CDH20: variants seen among roughly 807,000 people sequenced by gnomAD.
CDH20 encodes cadherin-20.
Under a neutral mutation model 74.2 loss-of-function variants are expected in CDH20, and 29 were observed. The ratio of observed to expected loss-of-function variants is 0.39; its 90% confidence interval spans 0.29 to 0.53. The LOEUF is 0.53. CDH20 is among the 20% of genes least tolerant of loss of function. The pLI is 0.69. For missense variants in CDH20, 988 were observed against 1,048.3 expected, an observed-to-expected ratio of 0.94 and a Z score of 0.79; for synonymous variants, 469 against 405.4, an observed-to-expected ratio of 1.16 and a Z score of -1.88.
intron 6 of CDH20, among the ~76,000 whole-genome samples, chr18:61,526,797 G>A (rs1340316146): frequency 6.6e-6 from 1 of 152,190 alleles, no homozygotes; most frequent in Non-Finnish European, 1.5e-5. Flanking sequence ...AGTCCTTGTG[G>A]AAGAGCTGTA....
rs1192928325 is a variant in CDH20 at position 61,553,595 on chromosome 18, G to A, written c.1901-595G>A. Among the ~76,000 whole-genome samples, 4 of 152,118 alleles carry A rather than the reference G, an allele frequency of 2.6e-5. No homozygotes were observed. The East Asian group carries it at 7.7e-4, about 29-fold the overall frequency. On this transcript the variant is annotated intron_variant, in intron 11 of 11. Transcript: ENST00000262717. Reference sequence around the variant, plus strand: ...TTCTCTGAGGAACCTGAGTTTATTGGACCCCAGGGATCACTTATGTTCTGT... The same window carrying A: ...TTCTCTGAGGAACCTGAGTTTATTGAACCCCAGGGATCACTTATGTTCTGT...
At chr18:61,361,094 A>G (rs1038225362) in intron 1 of CDH20, among the ~76,000 whole-genome samples, 1 of 152,134 alleles carries the variant, frequency 6.6e-6, no homozygotes, top group Admixed American at 6.6e-5. Flanking sequence ...TATGTAACAA[A>G]CCCTGTATGG....
At chr18:61,440,441 T>A (rs2144316566) in intron 1 of CDH20, among the ~76,000 whole-genome samples, 1 of 152,308 alleles carries the variant, frequency 6.6e-6, no homozygotes, top group East Asian at 1.9e-4. Flanking sequence ...GTTTCACAGC[T>A]TTATTGCAGA....
At chr18:61,351,668 T>TATGGGGA (rs1910311316) in intron 1 of CDH20, among the ~76,000 whole-genome samples, 1 of 151,848 alleles carries the variant, frequency 6.6e-6, no homozygotes, top group African/African-American at 2.4e-5. Flanking sequence ...TTTCAGGTGA[T>TATGGGGA]ATGGGGATAG....
At chr18:61,455,940 T>C (rs1909557878) in intron 1 of CDH20, among the ~76,000 whole-genome samples, 1 of 152,244 alleles carries the variant, frequency 6.6e-6, no homozygotes, top group Non-Finnish European at 1.5e-5. Context: ...AGCATTGCTT[T>C]TGTAAAGAAC....
intron 6 of CDH20, among the ~76,000 whole-genome samples, chr18:61,515,088 C>T (rs1911941472): frequency 6.6e-6 from 1 of 152,120 alleles, no homozygotes; most frequent in African/African-American, 2.4e-5. Flanking sequence ...GGCGGGCGCC[C>T]CTCCCCCAGA....
intron 1 of CDH20, among the ~76,000 whole-genome samples, chr18:61,344,457 C>T (rs1910052783): frequency 6.6e-6 from 1 of 152,072 alleles, no homozygotes; most frequent in Non-Finnish European, 1.5e-5. Flanking sequence ...TACAGTATAC[C>T]ACCTCATCCT....
At chr18:61,378,280 G>A (rs573419376) in intron 1 of CDH20, among the ~76,000 whole-genome samples, 20 of 152,274 alleles carry the variant, frequency 1.3e-4, no homozygotes, top group South Asian at 6.2e-4. Flanking sequence ...AATGGTAGAC[G>A]TGTATCTGAG....
intron 1 of CDH20, among the ~76,000 whole-genome samples, chr18:61,462,100 A>G (rs1423328329): frequency 1.3e-5 from 2 of 152,138 alleles, no homozygotes; most frequent in Admixed American, 6.6e-5. Context: ...CAAAGGAAGC[A>G]GCCTCTGGTC....
chr18:61,481,662 T>G (rs1568157876), intron 1 of CDH20, among the ~76,000 whole-genome samples: 1 of 152,354 alleles, frequency 6.6e-6, no homozygotes, highest in East Asian at 1.9e-4. Flanking sequence ...TACATTTATA[T>G]GGCATCAGAT....
intron 1 of CDH20, among the ~76,000 whole-genome samples, chr18:61,479,935 G>T (rs1910529504): frequency 6.6e-6 from 1 of 152,142 alleles, no homozygotes; most frequent in South Asian, 2.1e-4. Context: ...AGTAATACTA[G>T]GTGCTAGAAG....
intron 6 of CDH20, among the ~76,000 whole-genome samples, chr18:61,514,123 A>G (rs2144343143): frequency 6.6e-6 from 1 of 152,212 alleles, no homozygotes; most frequent in South Asian, 2.1e-4. Flanking sequence ...TCTCCCCATC[A>G]CTTTCAGGTA....
intron 1 of CDH20, among the ~76,000 whole-genome samples, chr18:61,422,422 CT>C (rs1912912802): frequency 6.6e-6 from 1 of 151,960 alleles, no homozygotes; most frequent in Non-Finnish European, 1.5e-5. Flanking sequence ...AATAATGTTG[CT>C]ACAGGGCAAA....
intron 2 of CDH20, among the ~76,000 whole-genome samples, chr18:61,492,863 C>A (rs886903503): frequency 6.6e-6 from 1 of 152,164 alleles, no homozygotes; most frequent in Non-Finnish European, 1.5e-5. Context: ...ATCCCCAAGG[C>A]CTAACACAGC....
rs576458718 is a variant in CDH20, at chr18:61,416,163, T to A, written c.-152-74239T>A. 1.1e-3 allele frequency among the ~76,000 whole-genome samples: 161 copies of A among 152,338 alleles called. 2 individuals are homozygous for A. Among genetic ancestry groups the A allele is most frequent in the African/African-American group, 3.7e-3 (152 of 41,596 alleles). ...AATTTTTTTCTGTTTAAAGTAATAG[T>A]AAATTTTCTCTTTGTTCTTTGGAAG... On this transcript the variant is annotated intron_variant, in intron 1 of 11. Coordinates refer to ENST00000262717, the MANE Select transcript of CDH20 (RefSeq NM_031891.4).
At chr18:61,381,037 C>T (rs11876970) in intron 1 of CDH20, among the ~76,000 whole-genome samples, 1 of 151,998 alleles carries the variant, frequency 6.6e-6, no homozygotes, top group Non-Finnish European at 1.5e-5. Flanking sequence ...GTTCATCTAA[C>T]GACATAAATC....
At chr18:61,493,571 T>C (rs2144303001) in intron 2 of CDH20, among the ~76,000 whole-genome samples, 1 of 152,282 alleles carries the variant, frequency 6.6e-6, no homozygotes, top group Non-Finnish European at 1.5e-5. Flanking sequence ...CTGCCACACA[T>C]ACCACGTTTG....
intron 11 of CDH20, among the ~76,000 whole-genome samples, chr18:61,553,163 T>C (rs1300611420): frequency 6.6e-6 from 1 of 152,180 alleles, no homozygotes; most frequent in African/African-American, 2.4e-5. Flanking sequence ...TTTTACTGCA[T>C]GTATGAATGT....
At chr18:61,439,759 G>A (rs977629096) in intron 1 of CDH20, among the ~76,000 whole-genome samples, 22 of 152,092 alleles carry the variant, frequency 1.4e-4, no homozygotes, top group African/African-American at 5.3e-4. Context: ...CACTAAATAT[G>A]GGGTAGATAA....
Sources: allele counts gnomAD v4.1 joint callset (sites outside exome capture counted in the v4.1 genomes callset), GRCh38; gene constraint gnomAD v4.1.1; transcripts MANE v1.5; gene names NCBI Gene and HGNC (gene_info 2026-07-23, HGNC 2026-07-21).